SORCS3: variants seen among roughly 807,000 people sequenced by gnomAD.
SORCS3 encodes sortilin related VPS10 domain containing receptor 3.
SORCS3 carries 57 observed loss-of-function variants against 146.3 expected under a neutral mutation model. The observed-to-expected ratio is 0.39, with a 90% CI of 0.31 to 0.49. The LOEUF (loss-of-function observed/expected upper bound fraction) is 0.49. SORCS3 is among the 20% of genes least tolerant of loss of function. The probability of loss-of-function intolerance (pLI) is 0.92; values close to 1 mark genes in which losing one functional copy is unlikely to be tolerated. For missense variants in SORCS3, 1,341 were observed against 1,575.5 expected (o/e 0.85, Z 2.52); for synonymous variants, 653 against 618.5 (o/e 1.06, Z -0.83).
intron 22 of SORCS3, among the ~76,000 whole-genome samples, chr10:105,250,183 A>G (rs1040893332): frequency 1.3e-5 from 2 of 152,050 alleles, no homozygotes; most frequent in African/African-American, 4.8e-5. Context: ...CACTAATCCC[A>G]TTCATGAGGG....
intron 1 of SORCS3, among the ~76,000 whole-genome samples, chr10:104,782,752 T>C (rs2133493392): frequency 6.6e-6 from 1 of 152,254 alleles, no homozygotes; most frequent in Admixed American, 6.5e-5. Flanking sequence ...GAAAATCACA[T>C]TATCTTTCTG....
At chr10:104,688,915 AGCC>A (rs769687216) in intron 1 of SORCS3, among the ~76,000 whole-genome samples, 3 of 152,182 alleles carry the variant, frequency 2.0e-5, no homozygotes, top group Non-Finnish European at 4.4e-5. Context: ...ATGGGAGATG[AGCC>A]CTGGCCCCTT....
chr10:104,831,303 C>T (rs562403163), intron 1 of SORCS3, among the ~76,000 whole-genome samples: 2 of 152,228 alleles, frequency 1.3e-5, no homozygotes, highest in East Asian at 1.9e-4. Context: ...CCAACACTAA[C>T]GTTCTTTGTA....
At chr10:105,227,936 G>A (rs2056743366) in intron 20 of SORCS3, among the ~76,000 whole-genome samples, 1 of 150,524 alleles carries the variant, frequency 6.6e-6, no homozygotes, top group South Asian at 2.1e-4. Flanking sequence ...GTCTGTATAT[G>A]TCATGACAGG....
chr10:104,945,699 T>A (rs574612451), intron 3 of SORCS3, among the ~76,000 whole-genome samples: 1 of 152,242 alleles, frequency 6.6e-6, no homozygotes, highest in South Asian at 2.1e-4. Flanking sequence ...TACTTTAAAC[T>A]ATTTTGTTAT....
At chr10:105,016,214 C>T (rs1336392101) in intron 4 of SORCS3, among the ~76,000 whole-genome samples, 8 of 136,678 alleles carry the variant, frequency 5.9e-5, no homozygotes, top group Admixed American at 3.0e-4. Flanking sequence ...TGCAGTGGCG[C>T]GATCTCGGCT....
intron 2 of SORCS3, among the ~76,000 whole-genome samples, chr10:104,901,517 G>A (rs565421552): frequency 6.6e-6 from 1 of 152,244 alleles, no homozygotes; most frequent in Non-Finnish European, 1.5e-5. Flanking sequence ...AGACTTAGTA[G>A]GGTCCTTGTC....
chr10:104,976,041 A>G (rs2054895414), intron 3 of SORCS3, among the ~76,000 whole-genome samples: 2 of 152,238 alleles, frequency 1.3e-5, no homozygotes, highest in African/African-American at 2.4e-5. Context: ...CAATGGAACA[A>G]AAGCCAAAAT....
At chr10:105,066,950 A>G (rs987589921) in intron 5 of SORCS3, among the ~76,000 whole-genome samples, 4 of 151,840 alleles carry the variant, frequency 2.6e-5, no homozygotes, top group African/African-American at 9.7e-5. Context: ...CTTTCCCCCT[A>G]TTTCTCTGAG....
intron 1 of SORCS3, among the ~76,000 whole-genome samples, chr10:104,728,045 A>G (rs976801158): frequency 2.0e-4 from 30 of 151,462 alleles, no homozygotes; most frequent in African/African-American, 7.3e-4. Context: ...CTATCTATCT[A>G]TCTATCTATC....
At chr10:105,164,702 G>A (rs2056297729) in intron 12 of SORCS3, among the ~76,000 whole-genome samples, 1 of 152,148 alleles carries the variant, frequency 6.6e-6, no homozygotes, top group Admixed American at 6.6e-5. Flanking sequence ...TTTATCATTA[G>A]TGTGCCAAGA....
intron 5 of SORCS3, among the ~76,000 whole-genome samples, chr10:105,057,075 G>T (rs2055450611): frequency 6.6e-6 from 1 of 152,140 alleles, no homozygotes; most frequent in African/African-American, 2.4e-5. Context: ...AAGTTAGAGT[G>T]GGAAGAACCA....
chr10:104,835,855 C>T (rs1371779407), intron 1 of SORCS3, among the ~76,000 whole-genome samples: 1 of 152,198 alleles, frequency 6.6e-6, no homozygotes, highest in Non-Finnish European at 1.5e-5. Flanking sequence ...TTGCACAGTA[C>T]AGCTTATAAA....
intron 3 of SORCS3, among the ~76,000 whole-genome samples, chr10:104,974,582 C>T (rs61214043): frequency 0.088 from 13,381 of 151,952 alleles, 720 homozygotes; most frequent in African/African-American, 0.17. Flanking sequence ...TTTGAGCCTA[C>T]GTGTGTCTCT....
intron 25 of SORCS3, among the ~76,000 whole-genome samples, chr10:105,259,200 G>A (rs542763426): frequency 1.3e-5 from 2 of 152,140 alleles, no homozygotes; most frequent in Non-Finnish European, 1.5e-5. Context: ...GTCTGACTGA[G>A]GAACTGAATT....
chr10:105,070,787 C>G (rs1311919451), intron 5 of SORCS3, among the ~76,000 whole-genome samples: 1 of 152,194 alleles, frequency 6.6e-6, no homozygotes, highest in Non-Finnish European at 1.5e-5. Flanking sequence ...TGAAAATTAA[C>G]AAACCCTTTA....
intron 4 of SORCS3, among the ~76,000 whole-genome samples, chr10:105,007,292 G>A (rs1283151763): frequency 6.6e-6 from 1 of 152,042 alleles, no homozygotes; most frequent in African/African-American, 2.4e-5. Flanking sequence ...TGCTCTCAAG[G>A]ATCTTTACAG....
intron 1 of SORCS3, among the ~76,000 whole-genome samples, chr10:104,658,788 G>T (rs1398671322): frequency 6.6e-6 from 1 of 152,104 alleles, no homozygotes; most frequent in Non-Finnish European, 1.5e-5. Flanking sequence ...GGCTCATGCT[G>T]CAATAGGACT....
intron 1 of SORCS3, among the ~76,000 whole-genome samples, chr10:104,682,582 T>A (rs1356723767): frequency 6.6e-6 from 1 of 152,194 alleles, no homozygotes; most frequent in African/African-American, 2.4e-5. Context: ...GGAACTTGGG[T>A]CAAGTCCTTA....
Sources: gnomAD v4.1 joint callset for allele counts (sites outside exome capture counted in the v4.1 genomes callset) on GRCh38, gnomAD v4.1.1 for gene constraint, MANE v1.5 for transcripts, NCBI Gene and HGNC (gene_info 2026-07-23, HGNC 2026-07-21) for gene names.